Variants in SEMA6A observed in about 807,000 individuals in gnomAD.
SEMA6A encodes the protein semaphorin-6A.
Under a neutral mutation model 96.8 loss-of-function variants are expected in SEMA6A, and 25 were observed. The observed-to-expected ratio is 0.26, with a 90% confidence interval of 0.19 to 0.36. The LOEUF is 0.36. Among genes scored for constraint, SEMA6A ranks in the 10% least tolerant of loss-of-function variants. SEMA6A has a pLI of 1.00. For synonymous variants in SEMA6A, 612 were observed against 518.0 expected (o/e 1.18, Z -2.46); for missense variants, 1,363 against 1,323.1 (o/e 1.03, Z -0.47).
chr5:116,533,256 CCTTT>C (rs1263794970), intron 1 of SEMA6A, among the ~76,000 whole-genome samples: 1 of 144,280 alleles, frequency 6.9e-6, no homozygotes, highest in African/African-American at 2.7e-5. Flanking sequence ...CTTTGTTTTT[CCTTT>C]TTTTTTTTTT....
intron 1 of SEMA6A, among the ~76,000 whole-genome samples, chr5:116,505,258 T>C (rs1758090697): frequency 6.6e-6 from 1 of 152,194 alleles, no homozygotes; most frequent in Admixed American, 6.5e-5. Flanking sequence ...TATAGATGGC[T>C]ATTTCACAGT....
At position 116,478,028 on chromosome 5, in the gene SEMA6A, A is replaced by T; in HGVS notation, c.1554T>A (p.His518Gln). 6.2e-7 allele frequency: 1 copy of T among 1,613,910 alleles called. No homozygotes were observed. The highest frequency in any genetic ancestry group is 8.5e-7 in the Non-Finnish European group (1 of 1,179,842). The change falls in exon 14 of 19, where the codon CAT becomes CAA. Residue 518 changes from histidine to glutamine, a missense_variant. By Grantham distance (24) the His-to-Gln change is conservative. Around this residue, in one of 2 missense-constraint regions of SEMA6A, gnomAD observed 883 missense variants for 763.6 expected, o/e 1.16. Transcript: ENST00000343348. ...AAAATACATACTTTTTACACTTCCCATGTCGTTCACACCGGCCAAGGGGAA... is the reference window on the plus strand; with the variant it reads ...AAAATACATACTTTTTACACTTCCCTTGTCGTTCACACCGGCCAAGGGGAA... ...IKVPLGRCER[H>Q]GKCKKTCIAS...
intron 1 of SEMA6A, among the ~76,000 whole-genome samples, chr5:116,547,754 A>AAAAAAAAAAAAC: frequency 6.6e-6 from 1 of 150,794 alleles, no homozygotes; most frequent in East Asian, 1.9e-4. Context: ...AAAAAAAAAA[A>AAAAAAAAAAAAC]AAAAAGCCAA....
At chr5:116,525,888 A>G (rs1420094897) in intron 1 of SEMA6A, among the ~76,000 whole-genome samples, 1 of 152,200 alleles carries the variant, frequency 6.6e-6, no homozygotes. Flanking sequence ...TATATGAGCA[A>G]GGAACTGTTT....
chr5:116,536,438 C>T (rs1211346528), intron 1 of SEMA6A: 1 of 152,186 alleles, frequency 6.6e-6, no homozygotes, highest in Non-Finnish European at 1.5e-5. Flanking sequence ...CATGGGAACT[C>T]AGTCCACACA....
At chr5:116,534,961 A>G (rs1759645568) in intron 1 of SEMA6A, among the ~76,000 whole-genome samples, 1 of 152,272 alleles carries the variant, frequency 6.6e-6, no homozygotes, top group Non-Finnish European at 1.5e-5. Flanking sequence ...AGCATTTGAA[A>G]TGTCAGAAAA....
intron 1 of SEMA6A, among the ~76,000 whole-genome samples, chr5:116,540,959 C>G (rs1357107250): frequency 6.6e-6 from 1 of 152,184 alleles, no homozygotes; most frequent in African/African-American, 2.4e-5. Flanking sequence ...CTCGATCCAT[C>G]TCAAGACAAC....
rs374339484 is a variant in SEMA6A, at chr5:116,447,418, G to A, written c.2288C>T (p.Thr763Met). ...TALPTPESTPTLQQKRKPSRG... is the reference protein window; with the variant it reads ...TALPTPESTPMLQQKRKPSRG... The stretch of plus-strand genomic sequence containing the variant: ...GCTGGGCTTCCGCTTCTGCTGCAGC[G>A]TTGGGGTTGACTCTGGGGTGGGGAG... Residue 763 changes from threonine to methionine, a missense_variant, in exon 19 of 19, where the codon ACG (threonine) becomes ATG (methionine). By Grantham distance (81) the Thr-to-Met change is moderately conservative. Transcript: ENST00000343348. The A allele has an allele frequency of 3.2e-5, 52 of 1,613,952 alleles. No individual in the cohort carries two copies. Among genetic ancestry groups the A allele is most frequent in the Non-Finnish European group, 3.8e-5 (45 of 1,179,916 alleles).
At position 116,504,998 on chromosome 5, in the gene SEMA6A, G is replaced by T; in HGVS notation, c.-38-16C>A. On this transcript the variant is annotated splice_polypyrimidine_tract_variant and intron_variant, in intron 1 of 18. Coordinates refer to ENST00000343348, the MANE Select transcript of SEMA6A (RefSeq NM_020796.5). ...CTACTTCACCCTGCCAAAAAGTAAA[G>T]AACAGATTTTTTTCCAAGTCAGCTT... 1.6e-6 allele frequency: 2 copies of T among 1,283,752 alleles called. No individual in the cohort carries two copies. The highest frequency in any genetic ancestry group is 1.3e-5 in the South Asian group (1 of 77,502). 79.5% of individuals were successfully genotyped at this position (1,283,752 alleles called of 1,614,324 possible).
intron 1 of SEMA6A, among the ~76,000 whole-genome samples, chr5:116,546,898 G>T (rs1760212246): frequency 1.3e-5 from 2 of 152,148 alleles, no homozygotes; most frequent in South Asian, 4.1e-4. Flanking sequence ...TCGCTAGTCT[G>T]AGCAAACACA....
chr5:116,454,541 A>C (rs532155197), intron 18 of SEMA6A, among the ~76,000 whole-genome samples: 1 of 152,284 alleles, frequency 6.6e-6, no homozygotes, highest in Non-Finnish European at 1.5e-5. Context: ...ATCCCTATTA[A>C]GAAGAGAAGA....
chr5:116,567,780 G>A (rs1039061184), intron 1 of SEMA6A, among the ~76,000 whole-genome samples: 4 of 152,074 alleles, frequency 2.6e-5, no homozygotes, highest in South Asian at 2.1e-4. Flanking sequence ...TAACGAATTC[G>A]GCCTTGTTAT....
chr5:116,445,140 C>T lies in SEMA6A; in HGVS notation c.*1473G>A, dbSNP rs1296440593. The T allele has an allele frequency of 6.6e-6, 1 of 152,662 alleles. No homozygotes were observed. Among genetic ancestry groups the T allele is most frequent in the African/African-American group, 2.4e-5 (1 of 41,444 alleles). 9.5% of individuals were successfully genotyped at this position (152,662 alleles called of 1,614,324 possible). A position where few individuals can be genotyped will look rare whatever the true frequency, so the allele number is the denominator to read the frequency against. ...GCGTTCTCAGGCTGTCGCATGACAA[C>T]TATCACCACTGCATTCTTCCATCTG... is the stretch of plus-strand genomic sequence containing the variant. On this transcript the variant is annotated 3_prime_UTR_variant, in exon 19 of 19. Transcript: ENST00000343348.
At chr5:116,556,133 G>A (rs1432237114) in intron 1 of SEMA6A, among the ~76,000 whole-genome samples, 1 of 152,224 alleles carries the variant, frequency 6.6e-6, no homozygotes, top group East Asian at 1.9e-4. Flanking sequence ...GCAAAACATA[G>A]TCACCTAACT....
chr5:116,535,989 C>G (rs781054528), intron 1 of SEMA6A, among the ~76,000 whole-genome samples: 4 of 152,188 alleles, frequency 2.6e-5, no homozygotes, highest in Non-Finnish European at 4.4e-5. Context: ...TCTACTGACT[C>G]AAAAGGAAAT....
intron 18 of SEMA6A, among the ~76,000 whole-genome samples, chr5:116,458,109 C>A (rs774753625): frequency 2.8e-4 from 42 of 152,056 alleles, no homozygotes; most frequent in Non-Finnish European, 5.4e-4. Flanking sequence ...TTAAAAAAAA[C>A]TTGGTGAAAC....
At chr5:116,552,149 G>A (rs991964078) in intron 1 of SEMA6A, among the ~76,000 whole-genome samples, 24 of 152,282 alleles carry the variant, frequency 1.6e-4, no homozygotes, top group African/African-American at 5.3e-4. Flanking sequence ...GCTTGTTCTT[G>A]CTCTTTAAAA....
chr5:116,487,287 C>T (rs1015493639), intron 9 of SEMA6A: 6 of 274,248 alleles, frequency 2.2e-5, no homozygotes, highest in African/African-American at 1.4e-4. Flanking sequence ...ACTTTGTATG[C>T]ACAATCTCTG....
At chr5:116,548,561 T>C (rs955710654) in intron 1 of SEMA6A, among the ~76,000 whole-genome samples, 3 of 152,220 alleles carry the variant, frequency 2.0e-5, no homozygotes, top group East Asian at 3.9e-4. Flanking sequence ...AAAGTTATTG[T>C]TGTGTTTAAA....
Sources: gnomAD v4.1 joint callset for allele counts (sites outside exome capture counted in the v4.1 genomes callset) on GRCh38, gnomAD v4.1.1 for gene constraint, gnomAD v4.1.1 regional missense constraint, MANE v1.5 for transcripts, NCBI Gene and HGNC (gene_info 2026-07-23, HGNC 2026-07-21) for gene names.